Variants in VAV1 observed in about 807,000 individuals in gnomAD.
VAV1 encodes the protein vav guanine nucleotide exchange factor 1.
VAV1 carries 33 observed loss-of-function variants against 128.1 expected under a neutral mutation model. The observed-to-expected ratio is 0.26, with a 90% CI of 0.20 to 0.34. The LOEUF is 0.34. VAV1 is among the 10% of genes least tolerant of loss of function. The probability of loss-of-function intolerance (pLI) is 1.00; values close to 1 mark genes in which losing one functional copy is unlikely to be tolerated. For synonymous variants in VAV1, 394 were observed against 409.8 expected, an observed-to-expected ratio of 0.96 and a Z score of 0.47; for missense variants, 715 against 1,093.7, an observed-to-expected ratio of 0.65 and a Z score of 4.88.
At chr19:6,776,809 G>C (rs982936036) in intron 1 of VAV1, among the ~76,000 whole-genome samples, 5 of 152,058 alleles carry the variant, frequency 3.3e-5, no homozygotes, top group Middle Eastern at 3.4e-3. Context: ...CCAGGCTGGA[G>C]TGCAGGGGCA....
At chr19:6,856,981 C>A in intron 26 of VAV1, 73 bp from the exon 27 acceptor site, 1 of 1,422,140 alleles carries the variant, frequency 7.0e-7, no homozygotes, top group Non-Finnish European at 9.9e-7. Flanking sequence ...TGGGAGGGAG[C>A]CTGCCTGGTG....
At chr19:6,856,516 G>A (rs1333688798) in intron 26 of VAV1, among the ~76,000 whole-genome samples, 1 of 151,934 alleles carries the variant, frequency 6.6e-6, no homozygotes, top group Non-Finnish European at 1.5e-5. Flanking sequence ...GAGGTCAGGA[G>A]TTTGAAACCA....
intron 1 of VAV1, among the ~76,000 whole-genome samples, chr19:6,801,693 G>C (rs1971273892): frequency 6.6e-6 from 1 of 152,142 alleles, no homozygotes; most frequent in South Asian, 2.1e-4. Context: ...CGGCTCCCTG[G>C]TGCTGGGGTG....
Position 6,833,972 on chromosome 19 carries a change from C to G in VAV1, c.1777+19C>G. 6.2e-7 allele frequency: 1 copy of G among 1,613,934 alleles called. No homozygotes were observed. The highest frequency in any genetic ancestry group is 8.5e-7 in the Non-Finnish European group (1 of 1,179,974). ...GAGCTGGGTGAGTTGGCAGGGGTTG[C>G]TGTGTGGGGGCAGGAGGAAAATTCA... On this transcript the variant is annotated intron_variant, in intron 19 of 26. Transcript: ENST00000602142.
At chr19:6,856,952 A>G in intron 26 of VAV1, 102 bp from the exon 27 acceptor site, 1 of 937,684 alleles carries the variant, frequency 1.1e-6, no homozygotes. Flanking sequence ...AAGGAAGAGC[A>G]GGTGCAAAGG....
intron 1 of VAV1, among the ~76,000 whole-genome samples, chr19:6,812,829 T>TG (rs1971542115): frequency 6.6e-6 from 1 of 151,910 alleles, no homozygotes; most frequent in African/African-American, 2.4e-5. Flanking sequence ...ATGGTGGTGA[T>TG]AATGATGATG....
At chr19:6,847,885 G>C (rs988730302) in intron 22 of VAV1, 113 bp from the exon 23 acceptor site, 1 of 973,348 alleles carries the variant, frequency 1.0e-6, no homozygotes, top group African/African-American at 1.7e-5. Context: ...GAGCCAGGCT[G>C]TCACCAACTT....
chr19:6,779,839 C>T (rs112165959), intron 1 of VAV1, among the ~76,000 whole-genome samples: 3,622 of 149,946 alleles, frequency 0.024, 173 homozygotes, highest in Middle Eastern at 0.039. Flanking sequence ...AGGCCGGGCA[C>T]GGTGACTCAC....
In VAV1 at chr19:6,825,363, G is replaced by T. The variant is rs930218281; in HGVS notation, c.784G>T (p.Gly262Cys). The change falls in exon 8 of 27, where the codon GGC becomes TGC. Residue 262 changes from glycine to cysteine, a missense_variant. Physicochemically the swap from Gly to Cys is radical, Grantham distance 159. Transcript: ENST00000602142. ...KEMKEALGTP[G>C]AANLYQVFIK... is the part of the protein sequence containing the mutation. ...GATGAAGGAAGCCCTGGGCACCCCT[G>T]GCGCAGCCAATCTCTACCAGGTCTT... The T allele has an allele frequency of 1.2e-6, 2 of 1,613,748 alleles. No homozygotes were observed. The highest frequency in any genetic ancestry group is 1.7e-6 in the Non-Finnish European group (2 of 1,179,916).
chr19:6,775,196 A>G (rs1970596891), intron 1 of VAV1, among the ~76,000 whole-genome samples: 1 of 152,038 alleles, frequency 6.6e-6, no homozygotes, highest in Admixed American at 6.6e-5. Flanking sequence ...CTTTGCCTAC[A>G]TTTGCTTAAT....
chr19:6,846,017 A>G (rs139156511), intron 22 of VAV1, among the ~76,000 whole-genome samples: 1,920 of 148,774 alleles, frequency 0.013, 38 homozygotes, highest in African/African-American at 0.045. Flanking sequence ...ACATATTTAC[A>G]TTTACATTAT....
intron 1 of VAV1, among the ~76,000 whole-genome samples, chr19:6,800,724 C>T (rs942562386): frequency 1.3e-5 from 2 of 152,060 alleles, no homozygotes; most frequent in Non-Finnish European, 2.9e-5. Flanking sequence ...TGGGTTCAAG[C>T]GATTCTCCTG....
At chr19:6,834,155 T>A (rs1006742822) in intron 19 of VAV1, among the ~76,000 whole-genome samples, 3 of 151,688 alleles carry the variant, frequency 2.0e-5, no homozygotes, top group African/African-American at 7.3e-5. Flanking sequence ...CTAGCTAATT[T>A]TTTTTTTTTA....
At chr19:6,819,483 G>C (rs1971736308) in intron 1 of VAV1, among the ~76,000 whole-genome samples, 1 of 152,176 alleles carries the variant, frequency 6.6e-6, no homozygotes, top group African/African-American at 2.4e-5. Flanking sequence ...TTTGTGATTT[G>C]CTTCTTTCAC....
rs556020716 is a variant in VAV1, at chr19:6,828,017, C to T, written c.928-59C>T. 1.4e-6 allele frequency: 2 copies of T among 1,476,374 alleles called. No homozygotes were observed. Among genetic ancestry groups the T allele is most frequent in the South Asian group, 2.3e-5 (2 of 88,104 alleles). 91.5% of individuals were successfully genotyped at this position (1,476,374 alleles called of 1,614,324 possible). ...TTATTCAAATCTATCTGCACCCACCCTGCAACTGGCTGTTTCTGGGACCTG... is the reference window on the plus strand; with the variant it reads ...TTATTCAAATCTATCTGCACCCACCTTGCAACTGGCTGTTTCTGGGACCTG... On this transcript the variant is annotated intron_variant, in intron 9 of 26. Transcript: ENST00000602142. The surrounding 1 kb of genome is among the most constrained non-coding windows in gnomAD (Gnocchi z 4.5).
intron 1 of VAV1, among the ~76,000 whole-genome samples, chr19:6,815,996 T>C (rs1338709341): frequency 6.6e-6 from 1 of 150,860 alleles, no homozygotes; most frequent in Non-Finnish European, 1.5e-5. Flanking sequence ...GGCAACATAA[T>C]GAAACTCTCT....
At chr19:6,857,030 G>A (rs372816378) in intron 26 of VAV1, 24 bp from the exon 27 acceptor site, 77 of 1,612,744 alleles carry the variant, frequency 4.8e-5, no homozygotes, top group Non-Finnish European at 6.2e-5. Context: ...AGGTTGCACT[G>A]ATGAACTCCT....
chr19:6,783,880 C>T (rs905992514), intron 1 of VAV1, among the ~76,000 whole-genome samples: 14 of 151,984 alleles, frequency 9.2e-5, no homozygotes, highest in South Asian at 8.3e-4. Flanking sequence ...GTTGGTTGGA[C>T]GCAAAGAAGT....
Position 6,833,894 on chromosome 19 carries a change from G to GT in VAV1, c.1732-11dup. On this transcript the variant is annotated splice_polypyrimidine_tract_variant and intron_variant, in intron 18 of 26. Transcript: ENST00000602142. ...GGGCATAGGTAGACAGGCTTTCTTT[G>GT]TTTCTCCTTCCAGGACAAACTACAT... 1 of 1,614,104 alleles carries GT rather than the reference G, an allele frequency of 6.2e-7. No homozygotes were observed. The highest frequency in any genetic ancestry group is 8.5e-7 in the Non-Finnish European group (1 of 1,180,022).
Sources: gnomAD v4.1 joint callset for allele counts (sites outside exome capture counted in the v4.1 genomes callset) on GRCh38, gnomAD v4.1.1 for gene constraint, Gnocchi (gnomAD v3.1) non-coding constraint, MANE v1.5 for transcripts, NCBI Gene and HGNC (gene_info 2026-07-23, HGNC 2026-07-21) for gene names.